ACACA: variants seen among roughly 807,000 people sequenced by gnomAD.
ACACA encodes acetyl-CoA carboxylase alpha, also known as acetyl-CoA carboxylase 1.
A neutral mutation model predicts 296.1 loss-of-function variants in ACACA; 103 were observed. The observed-to-expected ratio is 0.35, with a 90% confidence interval of 0.30 to 0.41. ACACA has a LOEUF of 0.41. Among genes scored for constraint, ACACA ranks in the 10% least tolerant of loss-of-function variants. The probability of loss-of-function intolerance (pLI) is 1.00; values close to 1 mark genes in which losing one functional copy is unlikely to be tolerated. For synonymous variants in ACACA, 953 were observed against 1,038.6 expected (o/e 0.92, Z 1.58); for missense variants, 1,554 against 2,989.7 (o/e 0.52, Z 11.20).
chr17:37,094,580 C>T (rs377212277), intron 54 of ACACA, among the ~76,000 whole-genome samples: 10 of 148,272 alleles, frequency 6.7e-5, no homozygotes, highest in East Asian at 2.0e-4. Context: ...CCACCCCCCC[C>T]CCCCCACACC....
chr17:37,134,142 C>T (rs2075231197), intron 45 of ACACA, among the ~76,000 whole-genome samples: 1 of 152,170 alleles, frequency 6.6e-6, no homozygotes, highest in South Asian at 2.1e-4. Flanking sequence ...ATAAGAAGTA[C>T]AAATGAATGC....
At chr17:37,227,859 CAA>C (rs60565367) in intron 25 of ACACA, among the ~76,000 whole-genome samples, 38 of 102,750 alleles carry the variant, frequency 3.7e-4, no homozygotes, top group African/African-American at 7.0e-4. Flanking sequence ...GACTCTGTCT[CAA>C]AAAAAAAAAA....
intron 1 of ACACA, among the ~76,000 whole-genome samples, chr17:37,371,749 A>C (rs1006171604): frequency 4.0e-5 from 6 of 151,700 alleles, no homozygotes; most frequent in African/African-American, 1.5e-4. Context: ...AAAATACAAA[A>C]ATTAGCCAGG....
intron 11 of ACACA, among the ~76,000 whole-genome samples, chr17:37,260,292 ATATATTTTTTTTTT>A (rs1392059312): frequency 1.8e-4 from 3 of 16,484 alleles, no homozygotes; most frequent in African/African-American, 2.4e-4. Context: ...ATATATATAT[ATATATTTTTTTTTT>A]TTTTTTTTTT....
intron 5 of ACACA, 152 bp downstream of exon 5, chr17:37,283,115 T>C: frequency 1.1e-6 from 1 of 922,176 alleles, no homozygotes; most frequent in Non-Finnish European, 1.7e-6. Flanking sequence ...TGTCTATTAC[T>C]GACACATTTT....
At chr17:37,162,732 G>T (rs1270979768) in intron 41 of ACACA, 12 of 216,562 alleles carry the variant, frequency 5.5e-5, no homozygotes, top group Non-Finnish European at 1.0e-4. Context: ...TCATGTCATT[G>T]TCAAGTCCCG....
intron 14 of ACACA, among the ~76,000 whole-genome samples, chr17:37,253,237 A>C (rs2081074524): frequency 6.6e-6 from 1 of 151,980 alleles, no homozygotes; most frequent in Admixed American, 6.6e-5. Flanking sequence ...CTAAAAATAC[A>C]AAAAATTAGC....
At chr17:37,190,561 T>C (rs1339914501) in intron 38 of ACACA, among the ~76,000 whole-genome samples, 2 of 152,168 alleles carry the variant, frequency 1.3e-5, no homozygotes, top group African/African-American at 4.8e-5. Flanking sequence ...ATAGAATGCA[T>C]TTCAGAATAG....
intron 25 of ACACA, among the ~76,000 whole-genome samples, chr17:37,228,959 C>T (rs988120120): frequency 5.3e-5 from 8 of 152,120 alleles, no homozygotes; most frequent in Admixed American, 6.5e-5. Flanking sequence ...CTGGAGAACA[C>T]GGTTGAAACC....
At chr17:37,146,401 A>G (rs966668913) in intron 45 of ACACA, among the ~76,000 whole-genome samples, 2 of 151,116 alleles carry the variant, frequency 1.3e-5, no homozygotes, top group East Asian at 1.9e-4. Flanking sequence ...TTTTCTCTTC[A>G]AACTGAACCA....
At chr17:37,151,528 T>A in intron 43 of ACACA, 107 bp from the exon 44 acceptor site, 3 of 1,358,612 alleles carry the variant, frequency 2.2e-6, no homozygotes, top group Non-Finnish European at 3.1e-6. Context: ...TGAAAGCTTA[T>A]ATTTAATGCC....
chr17:37,275,495 CAAAAAAAA>C (rs34064045), intron 8 of ACACA, among the ~76,000 whole-genome samples: 2 of 61,656 alleles, frequency 3.2e-5, no homozygotes, highest in African/African-American at 1.0e-4. Flanking sequence ...GACTCCAACT[CAAAAAAAA>C]AAAAAAAAAA....
At chr17:37,248,926 T>G (rs1164082544) in intron 16 of ACACA, among the ~76,000 whole-genome samples, 1 of 152,154 alleles carries the variant, frequency 6.6e-6, no homozygotes, top group Non-Finnish European at 1.5e-5. Context: ...TCTATAGTGT[T>G]GGGGATATTA....
At chr17:37,232,987 A>C (rs1026148087) in intron 25 of ACACA, among the ~76,000 whole-genome samples, 17 of 152,140 alleles carry the variant, frequency 1.1e-4, no homozygotes, top group Admixed American at 8.5e-4. Context: ...TTGGAAAGAA[A>C]GTCTGGGTAC....
At chr17:37,148,406 G>A (rs929957159) in intron 45 of ACACA, among the ~76,000 whole-genome samples, 1 of 152,152 alleles carries the variant, frequency 6.6e-6, no homozygotes, top group Non-Finnish European at 1.5e-5. Context: ...AGAAAAGCAA[G>A]CCCAGAGGAG....
intron 1 of ACACA, chr17:37,367,682 T>C (rs1171017660): frequency 1.3e-5 from 2 of 152,212 alleles, no homozygotes; most frequent in Non-Finnish European, 2.9e-5. Flanking sequence ...ACAGAAAATA[T>C]TACTTTCCCC....
Position 37,129,757 on chromosome 17 carries a change from T to G in ACACA, c.5824-272A>C, listed in dbSNP as rs111846637. 5.5e-3 allele frequency among the ~76,000 whole-genome samples: 835 copies of G among 152,154 alleles called. 2 individuals carry two copies. The highest frequency in any genetic ancestry group is 8.7e-3 in the Non-Finnish European group (594 of 68,016). On this transcript the variant is annotated intron_variant, in intron 46 of 55. Coordinates refer to ENST00000616317, the MANE Select transcript of ACACA (RefSeq NM_198834.3). ...CTTTCTGGGATGCTCCTCTGAGGAA[T>G]GAATGGCTATTACAGAGGAGAAAAC...
intron 29 of ACACA, among the ~76,000 whole-genome samples, chr17:37,214,548 C>T (rs2078902163): frequency 6.6e-6 from 1 of 152,154 alleles, no homozygotes; most frequent in South Asian, 2.1e-4. Flanking sequence ...TTTTCCTTCC[C>T]CCAGGACTCA....
intron 54 of ACACA, 33 bp from the exon 55 acceptor site, chr17:37,089,107 G>A (rs1323285701): frequency 1.2e-6 from 2 of 1,614,044 alleles, no homozygotes; most frequent in East Asian, 2.2e-5. Context: ...CAAACACCAG[G>A]GGTCAGGCCA....
Sources: allele counts gnomAD v4.1 joint callset (sites outside exome capture counted in the v4.1 genomes callset), GRCh38; gene constraint gnomAD v4.1.1; transcripts MANE v1.5; gene names NCBI Gene and HGNC (gene_info 2026-07-23, HGNC 2026-07-21).